Variants in ADGRB3 observed in about 807,000 individuals in gnomAD.
The protein encoded by ADGRB3 is brain-specific angiogenesis inhibitor 3.
Under a neutral mutation model 193.4 loss-of-function variants are expected in ADGRB3, and 37 were observed. That is an observed-to-expected ratio of 0.19 (90% CI 0.15 to 0.25). ADGRB3 has a LOEUF of 0.25. Among genes scored for constraint, ADGRB3 ranks in the 10% least tolerant of loss-of-function variants. ADGRB3 has a pLI of 1.00. For synonymous variants in ADGRB3, 690 were observed against 644.2 expected, an observed-to-expected ratio of 1.07 and a Z score of -1.08; for missense variants, 1,637 against 1,852.9, an observed-to-expected ratio of 0.88 and a Z score of 2.14.
intron 17 of ADGRB3, among the ~76,000 whole-genome samples, chr6:69,177,144 G>A (rs1365685002): frequency 2.6e-5 from 4 of 151,878 alleles, no homozygotes; most frequent in Non-Finnish European, 5.9e-5. Flanking sequence ...TCTGATTTTC[G>A]TTATTTCTTT....
intron 17 of ADGRB3, among the ~76,000 whole-genome samples, chr6:69,202,214 G>C (rs1307927168): frequency 6.6e-6 from 1 of 152,124 alleles, no homozygotes; most frequent in East Asian, 1.9e-4. Context: ...TCATAAAAAT[G>C]ATGTTTTAGG....
intron 3 of ADGRB3, among the ~76,000 whole-genome samples, chr6:68,652,069 A>C (rs1250420603): frequency 1.3e-5 from 2 of 152,018 alleles, no homozygotes; most frequent in African/African-American, 4.8e-5. Flanking sequence ...TTCCCCACAC[A>C]ACCCAATAAT....
At chr6:69,134,399 G>C (rs563314519) in intron 17 of ADGRB3, among the ~76,000 whole-genome samples, 1 of 152,148 alleles carries the variant, frequency 6.6e-6, no homozygotes, top group Non-Finnish European at 1.5e-5. Context: ...ACATTACATT[G>C]TTGTCTCAGC....
intron 17 of ADGRB3, among the ~76,000 whole-genome samples, chr6:69,219,939 G>A (rs1983912): frequency 0.14 from 21,505 of 151,880 alleles, 1,582 homozygotes; most frequent in Middle Eastern, 0.16. Flanking sequence ...AAGCAGCCTG[G>A]GTTTTATATT....
intron 20 of ADGRB3, among the ~76,000 whole-genome samples, chr6:69,296,413 A>G (rs1767818622): frequency 6.6e-6 from 1 of 152,170 alleles, no homozygotes; most frequent in East Asian, 1.9e-4. Flanking sequence ...ACTTCTCCCT[A>G]TCTCCCAAAT....
chr6:69,100,898 GA>G (rs1773025780), intron 17 of ADGRB3, among the ~76,000 whole-genome samples: 2 of 114,368 alleles, frequency 1.7e-5, no homozygotes, highest in African/African-American at 6.9e-5. Context: ...AGGAAGGAAG[GA>G]AGAAGCGAGG....
At chr6:69,161,179 A>G (rs1158291527) in intron 17 of ADGRB3, among the ~76,000 whole-genome samples, 1 of 152,092 alleles carries the variant, frequency 6.6e-6, no homozygotes, top group Non-Finnish European at 1.5e-5. Context: ...CACAATTAGT[A>G]TCTATCATTT....
At position 69,319,799 on chromosome 6, in the gene ADGRB3, G is replaced by A. The variant is rs181070480; in HGVS notation, c.2815-5073G>A. Among the ~76,000 whole-genome samples, 428 of 151,160 alleles carry A rather than the reference G, an allele frequency of 2.8e-3. 1 individual carries two copies. Among genetic ancestry groups the A allele is most frequent in the Middle Eastern group, 6.8e-3 (2 of 294 alleles). Reference sequence around the variant, plus strand: ...TTTCATCTCTGTTCTCTATTTTCCTGTGTCAGTCTTTGGGTTTGAAGTATG... The same window carrying A: ...TTTCATCTCTGTTCTCTATTTTCCTATGTCAGTCTTTGGGTTTGAAGTATG... On this transcript the variant is annotated intron_variant, in intron 20 of 31. Transcript: ENST00000370598.
intron 29 of ADGRB3, among the ~76,000 whole-genome samples, chr6:69,365,897 A>C (rs1769557571): frequency 6.6e-6 from 1 of 151,828 alleles, no homozygotes; most frequent in Admixed American, 6.6e-5. Context: ...TACATGAAAA[A>C]CCTTTGAAAT....
chr6:68,980,830 G>T (rs535508200), intron 10 of ADGRB3, among the ~76,000 whole-genome samples: 1 of 151,458 alleles, frequency 6.6e-6, no homozygotes, highest in Non-Finnish European at 1.5e-5. Context: ...AACGTGACAA[G>T]TCATGGAAAA....
At chr6:68,821,214 A>G (rs1272234463) in intron 3 of ADGRB3, among the ~76,000 whole-genome samples, 1 of 152,000 alleles carries the variant, frequency 6.6e-6, no homozygotes, top group East Asian at 1.9e-4. Context: ...TGTTTTTACC[A>G]TGTCTTGCAG....
chr6:68,964,146 AT>A (rs1258971123), intron 8 of ADGRB3, among the ~76,000 whole-genome samples: 3 of 152,180 alleles, frequency 2.0e-5, no homozygotes, highest in Admixed American at 2.0e-4. Flanking sequence ...CACATATATG[AT>A]TTTTTATATT....
chr6:68,914,478 C>T (rs1270815762), intron 3 of ADGRB3, among the ~76,000 whole-genome samples: 2 of 152,076 alleles, frequency 1.3e-5, no homozygotes, highest in Admixed American at 1.3e-4. Flanking sequence ...AAATACTTTA[C>T]AGACAAGCAA....
chr6:69,343,219 A>G (rs1769017732), intron 26 of ADGRB3, among the ~76,000 whole-genome samples: 1 of 145,712 alleles, frequency 6.9e-6, no homozygotes, highest in Non-Finnish European at 1.5e-5. Flanking sequence ...GTTTTAGGGT[A>G]CATGTGCACA....
intron 3 of ADGRB3, among the ~76,000 whole-genome samples, chr6:68,662,282 A>G (rs1293663665): frequency 6.6e-6 from 1 of 151,608 alleles, no homozygotes; most frequent in Admixed American, 6.6e-5. Flanking sequence ...TTTGGGGAAA[A>G]TATGAAACCA....
chr6:69,322,937 A>T (rs1768492228), intron 20 of ADGRB3, among the ~76,000 whole-genome samples: 1 of 152,028 alleles, frequency 6.6e-6, no homozygotes, highest in African/African-American at 2.4e-5. Flanking sequence ...ATATTATTGT[A>T]CGAAGAGGCA....
At chr6:69,218,129 A>C (rs1435130131) in intron 17 of ADGRB3, among the ~76,000 whole-genome samples, 3 of 152,028 alleles carry the variant, frequency 2.0e-5, no homozygotes, top group African/African-American at 7.2e-5. Context: ...TTGCAAAAAA[A>C]GACAAAAAAA....
At chr6:68,950,290 C>T (rs576419731) in intron 6 of ADGRB3, among the ~76,000 whole-genome samples, 9 of 152,222 alleles carry the variant, frequency 5.9e-5, no homozygotes, top group African/African-American at 2.2e-4. Context: ...CTTATACCTC[C>T]AACTGCAAGT....
Position 69,254,074 on chromosome 6 carries a change from C to T in ADGRB3, c.2814+14848C>T, listed in dbSNP as rs533609631. Among the ~76,000 whole-genome samples the T allele has an allele frequency of 2.6e-5, 4 of 152,236 alleles. No individual in the cohort carries two copies. In the East Asian group the frequency reaches 7.7e-4, roughly 29 times the overall value. On this transcript the variant is annotated intron_variant, in intron 20 of 31. Coordinates refer to ENST00000370598, the MANE Select transcript of ADGRB3 (RefSeq NM_001704.3). The stretch of plus-strand genomic sequence containing the variant: ...AATTAAAAAAGTAATTTAAAAAGAG[C>T]ACAAGGACCAGAATGTATGCCAAGC...
Sources: allele counts gnomAD v4.1 joint callset (sites outside exome capture counted in the v4.1 genomes callset), GRCh38; gene constraint gnomAD v4.1.1; transcripts MANE v1.5; gene names NCBI Gene and HGNC (gene_info 2026-07-23, HGNC 2026-07-21).